The following SPATS2L variants were observed in gnomAD, a reference collection of about 807,000 sequenced individuals.
SPATS2L encodes spermatogenesis associated serine rich 2 like.
Under a neutral mutation model 59.6 loss-of-function variants are expected in SPATS2L, and 30 were observed. The ratio of observed to expected loss-of-function variants is 0.50; its 90% CI spans 0.38 to 0.68. The LOEUF (loss-of-function observed/expected upper bound fraction) is 0.68. Among genes scored for constraint, SPATS2L ranks in the 30% least tolerant of loss-of-function variants. The pLI is 0.00. For missense variants in SPATS2L, 615 were observed against 700.0 expected (o/e 0.88, Z 1.37); for synonymous variants, 252 against 263.5 (o/e 0.96, Z 0.42).
chr2:200,316,993 T>C (rs2079402545), intron 1 of SPATS2L, among the ~76,000 whole-genome samples: 1 of 152,174 alleles, frequency 6.6e-6, no homozygotes, highest in African/African-American at 2.4e-5. Context: ...ATAGGGCTGA[T>C]TTTCTTAAAT....
chr2:200,363,586 A>G (rs1178561701), intron 2 of SPATS2L, among the ~76,000 whole-genome samples: 1 of 152,254 alleles, frequency 6.6e-6, no homozygotes, highest in Non-Finnish European at 1.5e-5. Flanking sequence ...TTAACTAGGA[A>G]CAAGAAATAA....
intron 2 of SPATS2L, among the ~76,000 whole-genome samples, chr2:200,372,449 G>GAAAAAC: frequency 1.3e-5 from 2 of 152,096 alleles, no homozygotes; most frequent in Admixed American, 6.6e-5. Context: ...TGTGGCCCAG[G>GAAAAAC]AAAGGGTATT....
At chr2:200,451,837 C>T (rs1437778) in intron 8 of SPATS2L, among the ~76,000 whole-genome samples, 130,650 of 150,392 alleles carry the variant, frequency 0.87, 57,693 homozygotes, top group Non-Finnish European at 0.96. Context: ...TTTTTCTTTT[C>T]TTTTTTTGGA....
intron 1 of SPATS2L, among the ~76,000 whole-genome samples, chr2:200,316,005 A>G (rs2105758561): frequency 6.8e-6 from 1 of 147,278 alleles, no homozygotes; most frequent in Middle Eastern, 3.4e-3. Context: ...AGCCTGGGAG[A>G]CAGTGTGAGA....
chr2:200,403,113 C>G lies in SPATS2L; in HGVS notation c.40-9198C>G, dbSNP rs576720456. The stretch of plus-strand genomic sequence containing the variant: ...CAGTAGCAAGTAACCTGCATTTGAC[C>G]TAGTGATTAATTAATGTGGCTCCTA... On this transcript the variant is annotated intron_variant, in intron 3 of 12. Coordinates refer to ENST00000409140, the MANE Select transcript of SPATS2L (RefSeq NM_001100423.2). 2.6e-5 allele frequency among the ~76,000 whole-genome samples: 4 copies of G among 152,284 alleles called. No homozygotes were observed. The South Asian group carries it at 8.3e-4, about 32-fold the overall frequency.
chr2:200,434,445 C>T (rs956406264), intron 6 of SPATS2L, among the ~76,000 whole-genome samples: 39 of 151,946 alleles, frequency 2.6e-4, no homozygotes, highest in African/African-American at 9.4e-4. Context: ...CCACTGTCAT[C>T]ATTGTGTTTG....
At chr2:200,381,409 C>G (rs998980099) in intron 2 of SPATS2L, among the ~76,000 whole-genome samples, 2 of 152,280 alleles carry the variant, frequency 1.3e-5, no homozygotes, top group Non-Finnish European at 2.9e-5. Context: ...ATCTGAGGCC[C>G]TCGTGCCACA....
At chr2:200,458,588 AAAC>A (rs1211293600) in intron 8 of SPATS2L, among the ~76,000 whole-genome samples, 2 of 152,240 alleles carry the variant, frequency 1.3e-5, no homozygotes, top group African/African-American at 4.8e-5. Flanking sequence ...TCTTCAGGAC[AAAC>A]AACCTAATTT....
chr2:200,306,249 C>T, upstream of SPATS2L: 1 of 1,002,294 alleles, frequency 1.0e-6, no homozygotes, highest in Non-Finnish European at 1.2e-6. Flanking sequence ...AAAAACATCT[C>T]GTATTTGCAG....
At chr2:200,463,962 T>C (rs2086414872) in intron 9 of SPATS2L, among the ~76,000 whole-genome samples, 2 of 152,248 alleles carry the variant, frequency 1.3e-5, no homozygotes, top group South Asian at 4.1e-4. Flanking sequence ...GCTTCCAATG[T>C]GTTTCAAAAG....
chr2:200,447,478 A>G (rs1293282540), intron 8 of SPATS2L, among the ~76,000 whole-genome samples: 1 of 152,252 alleles, frequency 6.6e-6, no homozygotes, highest in East Asian at 1.9e-4. Context: ...ATACTTTAAC[A>G]GGTAAGCATA....
rs2087731618 is a variant in SPATS2L at position 200,479,642 on chromosome 2, GCC to G, written c.*1612_*1613del. ...GACTACAGGGCAGTCCAGTTTGGGT[GCC>G]GCTTCCGTTGCACTCACATGTCCTA... is the stretch of plus-strand genomic sequence containing the variant. On this transcript the variant is annotated 3_prime_UTR_variant, in exon 13 of 13. Coordinates refer to ENST00000409140, the MANE Select transcript of SPATS2L (RefSeq NM_001100423.2). 5.0e-6 allele frequency: 2 copies of G among 398,514 alleles called. No individual in the cohort carries two copies. Among genetic ancestry groups the G allele is most frequent in the Non-Finnish European group, 4.4e-6 (1 of 226,074 alleles). The allele number at this position is 398,514 out of a possible 1,614,324, so 24.7% of individuals were successfully genotyped here.
In SPATS2L at chr2:200,480,065, C is replaced by T. The variant is rs761938833; in HGVS notation, c.*2034C>T. 1 of 240,314 alleles carries T rather than the reference C, an allele frequency of 4.2e-6. No individual in the cohort carries two copies. Among genetic ancestry groups the T allele is most frequent in the Non-Finnish European group, 7.9e-6 (1 of 125,800 alleles). 14.9% of individuals were successfully genotyped at this position (240,314 alleles called of 1,614,324 possible). On this transcript the variant is annotated 3_prime_UTR_variant, in exon 13 of 13. Coordinates refer to ENST00000409140, the MANE Select transcript of SPATS2L (RefSeq NM_001100423.2). Reference sequence around the variant, plus strand: ...GTTTTTTATGTAGCAAGATTTTGCTCACCACTGAAAAATGTCAGTGTAAAT... The same window carrying T: ...GTTTTTTATGTAGCAAGATTTTGCTTACCACTGAAAAATGTCAGTGTAAAT...
chr2:200,364,132 C>T (rs1401948993), intron 2 of SPATS2L, among the ~76,000 whole-genome samples: 1 of 152,100 alleles, frequency 6.6e-6, no homozygotes, highest in Non-Finnish European at 1.5e-5. Flanking sequence ...GGTGGGTGGC[C>T]TCTAGAATCT....
At chr2:200,444,250 T>C (rs1270373748) in intron 8 of SPATS2L, among the ~76,000 whole-genome samples, 1 of 152,188 alleles carries the variant, frequency 6.6e-6, no homozygotes, top group Admixed American at 6.5e-5. Flanking sequence ...TAGCTTCTCA[T>C]CACAAATCTG....
intron 1 of SPATS2L, among the ~76,000 whole-genome samples, chr2:200,308,644 G>C (rs890616364): frequency 7.3e-5 from 11 of 151,578 alleles, no homozygotes; most frequent in East Asian, 3.9e-4. Flanking sequence ...CACACACACA[G>C]ACACACAAAC....
At chr2:200,403,646 C>T (rs961608166) in intron 3 of SPATS2L, among the ~76,000 whole-genome samples, 11 of 152,136 alleles carry the variant, frequency 7.2e-5, no homozygotes, top group African/African-American at 2.7e-4. Context: ...ATACTCAGCC[C>T]CTATGTTTCT....
chr2:200,354,134 A>G (rs912679022), intron 2 of SPATS2L, among the ~76,000 whole-genome samples: 3 of 152,200 alleles, frequency 2.0e-5, no homozygotes, highest in Non-Finnish European at 4.4e-5. Context: ...AGACCCTGTC[A>G]TTTATCCCAA....
At chr2:200,473,432 A>G (rs548217943) in intron 12 of SPATS2L, among the ~76,000 whole-genome samples, 5 of 152,294 alleles carry the variant, frequency 3.3e-5, no homozygotes, top group Admixed American at 3.3e-4. Context: ...GGAACCTACT[A>G]AACTACTAAT....
Sources: gnomAD v4.1 joint callset for allele counts (sites outside exome capture counted in the v4.1 genomes callset) on GRCh38, gnomAD v4.1.1 for gene constraint, MANE v1.5 for transcripts, NCBI Gene and HGNC (gene_info 2026-07-23, HGNC 2026-07-21) for gene names.